SLC44A1: variants seen among roughly 807,000 people sequenced by gnomAD.
The protein encoded by SLC44A1 is solute carrier family 44 member 1, also known as choline transporter-like protein 1.
Under a neutral mutation model 79.3 loss-of-function variants are expected in SLC44A1, and 26 were observed. The ratio of observed to expected loss-of-function variants is 0.33; its 90% CI spans 0.24 to 0.46. The LOEUF is 0.46. Ranked by LOEUF, SLC44A1 falls within the 20% of genes least tolerant of loss-of-function variation. SLC44A1 has a pLI of 1.00. For synonymous variants in SLC44A1, 263 were observed against 286.2 expected (o/e 0.92, Z 0.82); for missense variants, 688 against 798.1 (o/e 0.86, Z 1.66).
chr9:105,245,739 CAG>C (rs1829426274), intron 1 of SLC44A1, among the ~76,000 whole-genome samples: 1 of 152,230 alleles, frequency 6.6e-6, no homozygotes, highest in African/African-American at 2.4e-5. Flanking sequence ...GGCTGAGATG[CAG>C]AGATTTCTCT....
chr9:105,382,393 T>G (rs1285360365), intron 13 of SLC44A1, among the ~76,000 whole-genome samples: 1 of 152,238 alleles, frequency 6.6e-6, no homozygotes, highest in Non-Finnish European at 1.5e-5. Context: ...TCTTTTATTC[T>G]TTTAGCATGG....
At chr9:105,347,019 A>G (rs528922275) in intron 4 of SLC44A1, among the ~76,000 whole-genome samples, 19 of 152,230 alleles carry the variant, frequency 1.2e-4, no homozygotes, top group Middle Eastern at 6.8e-3. Context: ...GCTAAATTAA[A>G]TGGTGGTTTG....
At chr9:105,376,077 T>C (rs930680790) in intron 13 of SLC44A1, among the ~76,000 whole-genome samples, 2 of 152,144 alleles carry the variant, frequency 1.3e-5, no homozygotes, top group African/African-American at 4.8e-5. Context: ...GTAAACATTC[T>C]CTTACTATTG....
chr9:105,274,181 G>A (rs544134212), intron 1 of SLC44A1, among the ~76,000 whole-genome samples: 1 of 151,904 alleles, frequency 6.6e-6, no homozygotes, highest in Non-Finnish European at 1.5e-5. Context: ...CCACTAATTC[G>A]CATTTTACCA....
chr9:105,317,154 A>G (rs949353565), intron 3 of SLC44A1, among the ~76,000 whole-genome samples: 1 of 152,144 alleles, frequency 6.6e-6, no homozygotes, highest in Admixed American at 6.5e-5. Flanking sequence ...TGGAGGTAAC[A>G]TATATTCTAT....
intron 7 of SLC44A1, 44 bp downstream of exon 7, chr9:105,358,477 A>AGAGG: frequency 1.0e-6 from 1 of 957,798 alleles, no homozygotes; most frequent in Non-Finnish European, 1.7e-6. Context: ...CCTCTTAACT[A>AGAGG]CTTTGGTAGA....
chr9:105,413,762 A>G (rs1002778029), intron 15 of SLC44A1, among the ~76,000 whole-genome samples: 6 of 152,212 alleles, frequency 3.9e-5, no homozygotes, highest in Admixed American at 2.6e-4. Flanking sequence ...TTTCCTGCCT[A>G]TCAGACAGAA....
intron 15 of SLC44A1, among the ~76,000 whole-genome samples, chr9:105,432,397 C>T (rs2131526599): frequency 6.6e-6 from 1 of 152,250 alleles, no homozygotes; most frequent in South Asian, 2.1e-4. Context: ...AATGTTTGGT[C>T]CTTCTGTTTT....
chr9:105,309,657 G>GT lies in SLC44A1; in HGVS notation c.127-66dup, dbSNP rs1249788203. The GT allele has an allele frequency of 3.5e-6, 5 of 1,436,660 alleles. No individual in the cohort carries two copies. In the African/African-American group the frequency reaches 7.0e-5, roughly 20 times the overall value. 89.0% of individuals were successfully genotyped at this position (1,436,660 alleles called of 1,614,324 possible). Reference sequence around the variant, plus strand: ...AGCAGACAAAAAGAAGCTCATTATCGTATCAACTAGTGACTGTTGGCTATT... The same window carrying GT: ...AGCAGACAAAAAGAAGCTCATTATCGTTATCAACTAGTGACTGTTGGCTATT... On this transcript the variant is annotated intron_variant, in intron 2 of 15. Transcript: ENST00000374720.
chr9:105,337,742 A>G (rs1255266738), intron 4 of SLC44A1, among the ~76,000 whole-genome samples: 2 of 152,182 alleles, frequency 1.3e-5, no homozygotes, highest in East Asian at 1.9e-4. Context: ...CTGAGCTGTC[A>G]TCTGGAGGGC....
chr9:105,395,899 T>A lies in SLC44A1; in HGVS notation c.*6843T>A. 1 of 173,338 alleles carries A rather than the reference T, an allele frequency of 5.8e-6. No individual in the cohort carries two copies. The highest frequency in any genetic ancestry group is 8.9e-6 in the Non-Finnish European group (1 of 112,048). 10.7% of individuals were successfully genotyped at this position (173,338 alleles called of 1,614,324 possible). ...ACCATGTTGATAATCCGGTGGTGACTTTTTTTTTTTTTTTGTAAATTGTAT... is the reference window on the plus strand; with the variant it reads ...ACCATGTTGATAATCCGGTGGTGACATTTTTTTTTTTTTTGTAAATTGTAT... On this transcript the variant is annotated 3_prime_UTR_variant, in exon 16 of 16. Transcript: ENST00000374720.
chr9:105,265,998 C>T (rs1025921157), intron 1 of SLC44A1, among the ~76,000 whole-genome samples: 6 of 152,246 alleles, frequency 3.9e-5, no homozygotes, highest in African/African-American at 1.4e-4. Context: ...AACTCTGTCA[C>T]CCAGGCTGGA....
At chr9:105,267,002 T>C (rs1829977725) in intron 1 of SLC44A1, among the ~76,000 whole-genome samples, 1 of 152,166 alleles carries the variant, frequency 6.6e-6, no homozygotes, top group Admixed American at 6.5e-5. Context: ...CATCAGTGTC[T>C]CTGTACTGGT....
intron 1 of SLC44A1, among the ~76,000 whole-genome samples, chr9:105,290,216 A>G (rs899047019): frequency 2.2e-4 from 33 of 152,316 alleles, no homozygotes; most frequent in Admixed American, 2.6e-4. Flanking sequence ...TGGTTACAGG[A>G]TAGCCAAAAA....
intron 4 of SLC44A1, among the ~76,000 whole-genome samples, chr9:105,343,231 G>A (rs1407544098): frequency 6.6e-6 from 1 of 151,324 alleles, no homozygotes; most frequent in East Asian, 1.9e-4. Flanking sequence ...ATTTATGAGT[G>A]CTTCTTCAAT....
intron 13 of SLC44A1, among the ~76,000 whole-genome samples, chr9:105,381,267 C>T (rs371556982): frequency 5.5e-4 from 83 of 152,020 alleles, no homozygotes; most frequent in African/African-American, 1.6e-3. Context: ...TGACCAGGCG[C>T]GGTGGCTCAC....
chr9:105,371,582 T>C lies in SLC44A1; in HGVS notation c.1495-3016T>C, dbSNP rs80162132. ...CCGTCTCTACTAAAAATACAAAAAA[T>C]TAGCCGGGTGCCTGTAGTCCCAGCT... On this transcript the variant is annotated intron_variant, in intron 12 of 15. Coordinates refer to ENST00000374720, the MANE Select transcript of SLC44A1 (RefSeq NM_080546.5). Among the ~76,000 whole-genome samples the C allele has an allele frequency of 6.6e-3, 1,005 of 151,896 alleles. 13 individuals carry two copies. The highest frequency in any genetic ancestry group is 0.021 in the African/African-American group (884 of 41,412).
intron 10 of SLC44A1, 84 bp downstream of exon 10, chr9:105,364,804 G>A (rs1827891515): frequency 9.8e-7 from 1 of 1,016,172 alleles, no homozygotes. Context: ...TCAGACTGGG[G>A]CTGGCAGGAG....
chr9:105,365,347 G>T, intron 10 of SLC44A1, 136 bp from the exon 11 acceptor site: 1 of 622,142 alleles, frequency 1.6e-6, no homozygotes, highest in Non-Finnish European at 2.8e-6. Context: ...ATATCACTTG[G>T]CCATTTTGTC....
Sources: gnomAD v4.1 joint callset for allele counts (sites outside exome capture counted in the v4.1 genomes callset) on GRCh38, gnomAD v4.1.1 for gene constraint, MANE v1.5 for transcripts, NCBI Gene and HGNC (gene_info 2026-07-23, HGNC 2026-07-21) for gene names.